Variants in ABCG5 observed in about 807,000 individuals in gnomAD.
The protein encoded by ABCG5 is ATP-binding cassette sub-family G member 5.
Under a neutral mutation model 64.5 loss-of-function variants are expected in ABCG5, and 64 were observed. That is an observed-to-expected ratio of 0.99 (90% CI 0.81 to 1.22). ABCG5 has a LOEUF of 1.22. ABCG5 is among the 50% of genes most tolerant of loss of function. ABCG5 has a pLI of 0.00. For synonymous variants in ABCG5, 385 were observed against 326.3 expected, an observed-to-expected ratio of 1.18 and a Z score of -1.94; for missense variants, 908 against 829.5, an observed-to-expected ratio of 1.09 and a Z score of -1.16.
chr2:43,838,482 G>A lies in ABCG5; in HGVS notation c.143+55C>T. 3 of 1,523,146 alleles carry A rather than the reference G, an allele frequency of 2.0e-6. No individual in the cohort carries two copies. The highest frequency in any genetic ancestry group is 1.9e-5 in the Admixed American group (1 of 51,738). 94.4% of individuals were successfully genotyped at this position (1,523,146 alleles called of 1,614,324 possible). ...GAGTGAAGAAAGGCAGCAGAGGGGT[G>A]AGCGCCGGGCCCCGCACTCCTGGGG... On this transcript the variant is annotated intron_variant, in intron 1 of 12. Transcript: ENST00000405322. This position sits in a 1 kb window ranked among gnomAD's most constrained non-coding sequence, Gnocchi z 4.2.
In ABCG5 at chr2:43,823,908, C is replaced by CT; in HGVS notation, c.1324+4dup. Reference sequence around the variant, plus strand: ...GAGGTGCACCTCCAGCACGTGGGCACTTACACAGATTCACAGCGTTCAGCA... The same window carrying CT: ...GAGGTGCACCTCCAGCACGTGGGCACTTTACACAGATTCACAGCGTTCAGCA... On this transcript the variant is annotated splice_donor_region_variant and intron_variant, in intron 9 of 12. Transcript: ENST00000405322. 4.3e-6 allele frequency: 7 copies of CT among 1,613,860 alleles called. No individual in the cohort carries two copies. The highest frequency in any genetic ancestry group is 5.9e-6 in the Non-Finnish European group (7 of 1,179,806).
chr2:43,807,743 CAAAAAAA>C (rs536977133), downstream of ABCG5, among the ~76,000 whole-genome samples: 4 of 41,614 alleles, frequency 9.6e-5, no homozygotes, highest in African/African-American at 1.4e-4. Flanking sequence ...TTTGTTAAAG[CAAAAAAA>C]AAAAAAAAAA....
chr2:43,835,172 C>T lies in ABCG5; in HGVS notation c.265+2662G>A, dbSNP rs935868933. Among the ~76,000 whole-genome samples, 4 of 151,816 alleles carry T rather than the reference C, an allele frequency of 2.6e-5. No individual in the cohort carries two copies. The South Asian group carries it at 8.3e-4, about 32-fold the overall frequency. The stretch of plus-strand genomic sequence containing the variant: ...CGTAATTAGGCATCTCATCAGAAAT[C>T]AGCCCACTCCCCCACCCCAATCAAG... On this transcript the variant is annotated intron_variant, in intron 2 of 12. Transcript: ENST00000405322.
At chr2:43,816,350 G>A (rs185184491) in intron 11 of ABCG5, among the ~76,000 whole-genome samples, 13 of 152,296 alleles carry the variant, frequency 8.5e-5, no homozygotes, top group African/African-American at 2.6e-4. Context: ...GTGTGTGATA[G>A]GCTGAGAGAG....
chr2:43,821,242 A>G (rs1667177457), intron 10 of ABCG5, among the ~76,000 whole-genome samples: 1 of 152,186 alleles, frequency 6.6e-6, no homozygotes, highest in South Asian at 2.1e-4. Flanking sequence ...TGTTTAAAAC[A>G]TCCTCTTGCC....
chr2:43,839,061 G>T (rs778143236), upstream of ABCG5: 8 of 1,550,974 alleles, frequency 5.2e-6, no homozygotes, highest in Non-Finnish European at 5.2e-6. Flanking sequence ...CCCATGGCCG[G>T]GAAGGCGGCA....
chr2:43,821,494 C>T (rs1471872866), intron 10 of ABCG5, among the ~76,000 whole-genome samples: 4 of 152,210 alleles, frequency 2.6e-5, no homozygotes, highest in Non-Finnish European at 5.9e-5. Context: ...TCTCTGAGCA[C>T]AGCCTCCTGC....
At chr2:43,825,160 G>T in intron 6 of ABCG5, 142 bp from the exon 7 acceptor site, 1 of 1,008,186 alleles carries the variant, frequency 9.9e-7, no homozygotes, top group Non-Finnish European at 1.5e-6. Context: ...TTTCCCATAA[G>T]CAGTCAGTCC....
rs4148176 is a variant in ABCG5 at position 43,830,615 on chromosome 2, G to T, written c.501+1154C>A. Among the ~76,000 whole-genome samples the T allele has an allele frequency of 9.2e-5, 14 of 152,320 alleles. No individual in the cohort carries two copies. In the East Asian group the frequency reaches 2.7e-3, roughly 29 times the overall value. The stretch of plus-strand genomic sequence containing the variant: ...TCCTTCCCACTGAATTACTTATCAG[G>T]ATTTTACACGCTGTGGGCTGGATTT... On this transcript the variant is annotated intron_variant, in intron 4 of 12. Coordinates refer to ENST00000405322, the MANE Select transcript of ABCG5 (RefSeq NM_022436.3).
chr2:43,811,661 C>T (rs533261954), downstream of ABCG5, among the ~76,000 whole-genome samples: 1 of 151,278 alleles, frequency 6.6e-6, no homozygotes, highest in Non-Finnish European at 1.5e-5. Flanking sequence ...GTGGTGCATT[C>T]TCGGCTCACT....
rs144206840 is a variant in ABCG5, at chr2:43,837,930, T to C, written c.169A>G (p.Ile57Val). The C allele has an allele frequency of 4.3e-6, 7 of 1,613,962 alleles. No individual in the cohort carries two copies. Among genetic ancestry groups the C allele is most frequent in the Non-Finnish European group, 5.9e-6 (7 of 1,179,986 alleles). The change falls in exon 2 of 13, where the codon ATC (isoleucine) becomes GTC (valine). Residue 57 changes from isoleucine to valine, a missense_variant. By Grantham distance (29) the Ile-to-Val change is conservative. Transcript: ENST00000405322. ...VSHRVRPWWDITSCRQQWTRQ... is the reference protein window; with the variant it reads ...VSHRVRPWWDVTSCRQQWTRQ... ...GTCCACTGCTGCCGGCAAGATGTGA[T>C]GTCCCACCAGGGCCTCACGCGGTGG...
At chr2:43,822,981 T>G (rs745801666) in intron 9 of ABCG5, 46 bp from the exon 10 acceptor site, 2 of 1,608,950 alleles carry the variant, frequency 1.2e-6, no homozygotes, top group South Asian at 2.2e-5. Context: ...ACCACCCAGC[T>G]GAAAAAGGGA....
At chr2:43,810,830 T>C (rs1240077431), downstream of ABCG5, among the ~76,000 whole-genome samples, 3 of 152,146 alleles carry the variant, frequency 2.0e-5, no homozygotes, top group Admixed American at 6.6e-5. Context: ...CAGTGAACAT[T>C]ATGATCTCAG....
At chr2:43,815,827 CGTTGAAAT>C (rs1558720680) in intron 11 of ABCG5, among the ~76,000 whole-genome samples, 2 of 146,462 alleles carry the variant, frequency 1.4e-5, no homozygotes, top group African/African-American at 5.1e-5. Flanking sequence ...AGACAGGTCA[CGTTGAAAT>C]CAGCATTCTG....
At position 43,813,685 on chromosome 2, in the gene ABCG5, GT is replaced by G. The variant is rs1274645376; in HGVS notation, c.1763-377del. Among the ~76,000 whole-genome samples the G allele has an allele frequency of 5.6e-3, 107 of 19,222 alleles. 1 individual carries two copies. Among genetic ancestry groups the G allele is most frequent in the African/African-American group, 0.018 (100 of 5,502 alleles). 12.6% of individuals were successfully genotyped at this position (19,222 alleles called of 152,430 possible). On this transcript the variant is annotated intron_variant, in intron 12 of 12. Coordinates refer to ENST00000405322, the MANE Select transcript of ABCG5 (RefSeq NM_022436.3). ...AGATTTTTTTGGTTGTTTTTTTTTT[GT>G]TTTTTTTGGGGTTTTTTTTTTCGTT...
downstream of ABCG5, among the ~76,000 whole-genome samples, chr2:43,811,226 A>G (rs902873951): frequency 1.3e-5 from 2 of 152,190 alleles, no homozygotes; most frequent in Non-Finnish European, 2.9e-5. Flanking sequence ...CTGATGTGAC[A>G]TATATAATCT....
Position 43,838,442 on chromosome 2 carries a change from A to G in ABCG5, c.143+95T>C. The G allele has an allele frequency of 7.9e-7, 1 of 1,265,722 alleles. No individual in the cohort carries two copies. The highest frequency in any genetic ancestry group is 1.3e-5 in the South Asian group (1 of 75,390). The allele number at this position is 1,265,722 out of a possible 1,614,324, so 78.4% of individuals were successfully genotyped here. ...ACTAAAGAGGGAGCCCGAAGTGCCC[A>G]GACTGGCACTTAAAGAGTGAAGAAA... On this transcript the variant is annotated intron_variant, in intron 1 of 12. Transcript: ENST00000405322. This position sits in a 1 kb window ranked among gnomAD's most constrained non-coding sequence, Gnocchi z 4.2.
chr2:43,822,438 T>G, intron 10 of ABCG5: 1 of 857,732 alleles, frequency 1.2e-6, no homozygotes, highest in Non-Finnish European at 1.4e-6. Flanking sequence ...TGTGTCTGTT[T>G]TAAGGTTTTA....
chr2:43,813,677 T>G (rs1666609340), intron 12 of ABCG5, among the ~76,000 whole-genome samples: 1 of 150,724 alleles, frequency 6.6e-6, no homozygotes, highest in East Asian at 1.9e-4. Flanking sequence ...TTTGGTTGTT[T>G]TTTTTTTGTT....
Sources: allele counts gnomAD v4.1 joint callset (sites outside exome capture counted in the v4.1 genomes callset), GRCh38; gene constraint gnomAD v4.1.1; non-coding constraint Gnocchi (gnomAD v3.1); transcripts MANE v1.5; gene names NCBI Gene and HGNC (gene_info 2026-07-23, HGNC 2026-07-21).